SMG1: variants seen among roughly 807,000 people sequenced by gnomAD.
SMG1 encodes serine/threonine-protein kinase SMG1.
In SMG1, 22 loss-of-function variants were observed where a neutral mutation model predicts 419.9. That is an observed-to-expected ratio of 0.05 (90% confidence interval 0.04 to 0.07). The LOEUF is 0.07. Ranked by LOEUF, SMG1 falls within the 10% of genes least tolerant of loss-of-function variation. SMG1 has a pLI of 1.00. For synonymous variants in SMG1, 1,538 were observed against 1,553.5 expected (o/e 0.99, Z 0.23); for missense variants, 3,185 against 4,342.0 (o/e 0.73, Z 7.49).
chr16:18,866,492 G>T lies in SMG1; in HGVS notation c.3350+129C>A, dbSNP rs146040405. ...AACTGAAGACGCCTCCTGGTGAAGT[G>T]ATTTATAGCAAGCTTCAATGCTGAA... is the stretch of plus-strand genomic sequence containing the variant. On this transcript the variant is annotated intron_variant, in intron 23 of 62. Coordinates refer to ENST00000446231, the MANE Select transcript of SMG1 (RefSeq NM_015092.5). 2.3e-4 allele frequency: 190 copies of T among 808,906 alleles called. No homozygotes were observed. The East Asian group carries it at 4.2e-3, about 18-fold the overall frequency. 50.1% of individuals were successfully genotyped at this position (808,906 alleles called of 1,614,324 possible). A position where few individuals can be genotyped will look rare whatever the true frequency, so the allele number is the denominator to read the frequency against.
chr16:18,816,575 AAT>A, intron 57 of SMG1, 46 bp from the exon 58 acceptor site: 1 of 1,512,972 alleles, frequency 6.6e-7, no homozygotes, highest in Non-Finnish European at 9.1e-7. Context: ...CAGCTGAAAT[AAT>A]GAGTTCTTTC....
intron 1 of SMG1, among the ~76,000 whole-genome samples, chr16:18,916,513 CAAAAAAAAAAA>C (rs59985733): frequency 2.9e-5 from 2 of 68,926 alleles, no homozygotes; most frequent in African/African-American, 1.0e-4. Context: ...GACTCCATCT[CAAAAAAAAAAA>C]AAAAAAAAAA....
chr16:18,827,916 G>T, intron 55 of SMG1, 115 bp downstream of exon 55: 1 of 966,844 alleles, frequency 1.0e-6, no homozygotes, highest in Non-Finnish European at 1.4e-6. Flanking sequence ...TGCTCTTCTG[G>T]CTTACAAGCC....
chr16:18,897,743 CAG>C (rs1228326320), intron 1 of SMG1, among the ~76,000 whole-genome samples: 2 of 152,034 alleles, frequency 1.3e-5, no homozygotes, highest in East Asian at 3.9e-4. Context: ...ATAAGTAAAA[CAG>C]AGCTGAGTTA....
intron 2 of SMG1, among the ~76,000 whole-genome samples, 171 bp downstream of exon 2, chr16:18,896,622 A>C (rs2141851351): frequency 6.6e-6 from 1 of 152,338 alleles, no homozygotes; most frequent in African/African-American, 2.4e-5. Context: ...AAATTTTAAA[A>C]ATAATAAAGT....
At chr16:18,881,510 A>G (rs1224634791) in intron 10 of SMG1, among the ~76,000 whole-genome samples, 4 of 152,222 alleles carry the variant, frequency 2.6e-5, no homozygotes, top group Non-Finnish European at 4.4e-5. Context: ...TTATCCTAAC[A>G]GTAAAATTTT....
chr16:18,887,499 C>T (rs1466921706), intron 6 of SMG1, among the ~76,000 whole-genome samples: 3 of 123,924 alleles, frequency 2.4e-5, no homozygotes, highest in Non-Finnish European at 3.5e-5. Flanking sequence ...CCACCACGCC[C>T]GACTTATTTT....
intron 28 of SMG1, 116 bp from the exon 29 acceptor site, chr16:18,858,406 G>C: frequency 1.2e-6 from 1 of 839,750 alleles, no homozygotes. Flanking sequence ...CAGATTGATT[G>C]CAGTAGTTTT....
intron 45 of SMG1, 91 bp downstream of exon 45, chr16:18,837,923 T>C: frequency 7.1e-7 from 1 of 1,401,964 alleles, no homozygotes; most frequent in Non-Finnish European, 9.7e-7. Context: ...GCCAAAAAAA[T>C]TAGAGAAACA....
chr16:18,885,626 T>C lies in SMG1; in HGVS notation c.863A>G (p.Asp288Gly), dbSNP rs1210879068. ...ACATTTACAAAGCAATTCTGGTGTA[T>C]CCACATTTTCAAGAATAGACTGCAG... is the stretch of plus-strand genomic sequence containing the variant. Reference protein sequence around the residue: ...TSLQSILENVDTPELLCKCVK... With the variant: ...TSLQSILENVGTPELLCKCVK... Residue 288 changes from aspartate to glycine, a missense_variant, in exon 7 of 63, where the codon GAT (aspartate) becomes GGT (glycine). Physicochemically the swap from Asp to Gly is moderately conservative, Grantham distance 94 (BLOSUM62 -1). Transcript: ENST00000446231. 1 of 1,596,032 alleles carries C rather than the reference T, an allele frequency of 6.3e-7. No homozygotes were observed. Among genetic ancestry groups the C allele is most frequent in the East Asian group, 2.2e-5 (1 of 44,860 alleles).
intron 6 of SMG1, among the ~76,000 whole-genome samples, chr16:18,886,483 TATAAA>T (rs144250945): frequency 0.014 from 2,128 of 152,272 alleles, 44 homozygotes; most frequent in African/African-American, 0.049. Context: ...ATAGCAATCT[TATAAA>T]AGAAATGCTA....
intron 10 of SMG1, 144 bp downstream of exon 10, chr16:18,882,017 ACAGT>A (rs1054741820): frequency 5.8e-5 from 27 of 464,026 alleles, no homozygotes; most frequent in African/African-American, 4.9e-4. Flanking sequence ...ATTCAAGAAA[ACAGT>A]CAGACAATAT....
chr16:18,926,362 A>C lies in SMG1; in HGVS notation c.-321T>G, dbSNP rs1357747175. ...GCCGGGGCCCCGGAGGACGAGGACG[A>C]CGAGGAGCAGGCGGTGGCGGCAGCT... On this transcript the variant is annotated 5_prime_UTR_variant, in exon 1 of 63. Transcript: ENST00000446231. 19 of 303,750 alleles carry C rather than the reference A, an allele frequency of 6.3e-5. No homozygotes were observed. The highest frequency in any genetic ancestry group is 3.0e-5 in the Non-Finnish European group (5 of 164,098). The allele number at this position is 303,750 out of a possible 1,614,324, so 18.8% of individuals were successfully genotyped here.
chr16:18,815,003 C>G (rs1000084356), intron 60 of SMG1, among the ~76,000 whole-genome samples, 172 bp downstream of exon 60: 15 of 151,656 alleles, frequency 9.9e-5, no homozygotes, highest in African/African-American at 3.4e-4. Flanking sequence ...CAGGTGTGAG[C>G]CATCGTGCCT....
chr16:18,810,662 C>G (rs2031303116), intron 62 of SMG1, among the ~76,000 whole-genome samples: 1 of 152,134 alleles, frequency 6.6e-6, no homozygotes, highest in South Asian at 2.1e-4. Context: ...ACAGGGGGTT[C>G]AGAGAGGAGG....
intron 55 of SMG1, 31 bp downstream of exon 55, chr16:18,828,000 T>C: frequency 1.3e-6 from 2 of 1,596,186 alleles, no homozygotes; most frequent in Non-Finnish European, 1.7e-6. Flanking sequence ...AAAAAGAAAA[T>C]GCCCTGGAAG....
Position 18,876,107 on chromosome 16 carries a change from T to C in SMG1, c.1890+17A>G, listed in dbSNP as rs758546520. ...TTAACTGTGGATAAAACAAAGTCAT[T>C]ACAATTAAAGACTCACCCCTATTAG... On this transcript the variant is annotated intron_variant, in intron 13 of 62. Coordinates refer to ENST00000446231, the MANE Select transcript of SMG1 (RefSeq NM_015092.5). 2 of 1,611,108 alleles carry C rather than the reference T, an allele frequency of 1.2e-6. No homozygotes were observed. Among genetic ancestry groups the C allele is most frequent in the South Asian group, 2.2e-5 (2 of 90,946 alleles).
chr16:18,909,824 G>GTATT (rs1457860917), intron 1 of SMG1, among the ~76,000 whole-genome samples: 5 of 152,082 alleles, frequency 3.3e-5, no homozygotes, highest in Non-Finnish European at 1.5e-5. Flanking sequence ...TGAGGTCTTT[G>GTATT]TATTTAGCCT....
rs376015835 is a variant in SMG1 at position 18,838,028 on chromosome 16, C to T, written c.7399G>A (p.Val2467Ile). Residue 2467 changes from valine to isoleucine, a missense_variant, in exon 45 of 63, where the codon GTA becomes ATA. By Grantham distance (29) the Val-to-Ile change is conservative. Transcript: ENST00000446231. ...CTGGGCTTCACCTTAATCTCAGCTA[C>T]TCTAGAAGAAAACAGGCTGCGGGTG... ...EITRSLFSSR[V>I]AEIKVNWFKN... The T allele has an allele frequency of 3.1e-6, 5 of 1,613,838 alleles. No individual in the cohort carries two copies. The African/African-American group carries it at 5.3e-5, about 17-fold the overall frequency.
Sources: allele counts gnomAD v4.1 joint callset (sites outside exome capture counted in the v4.1 genomes callset), GRCh38; gene constraint gnomAD v4.1.1; transcripts MANE v1.5; gene names NCBI Gene and HGNC (gene_info 2026-07-23, HGNC 2026-07-21).